The following NPC1 variants were observed in gnomAD, a reference collection of about 807,000 sequenced individuals.
NPC1 encodes the protein Niemann-Pick C1 protein.
A neutral mutation model predicts 140.4 loss-of-function variants in NPC1; 85 were observed. That is an observed-to-expected ratio of 0.61 (90% confidence interval 0.51 to 0.72). The LOEUF (loss-of-function observed/expected upper bound fraction) is 0.72. Among genes scored for constraint, NPC1 ranks in the 30% least tolerant of loss-of-function variants. The probability of loss-of-function intolerance (pLI) is 0.00; values close to 1 mark genes in which losing one functional copy is unlikely to be tolerated. For synonymous variants in NPC1, 656 were observed against 624.8 expected (o/e 1.05, Z -0.74); for missense variants, 1,504 against 1,623.8 (o/e 0.93, Z 1.27).
At chr18:23,523,055 T>C (rs762042388) in intron 1 of NPC1, 8 of 152,324 alleles carry the variant, frequency 5.3e-5, no homozygotes, top group South Asian at 2.1e-4. Flanking sequence ...CACCTGACAG[T>C]GTGTAGGTCA....
chr18:23,556,204 G>A (rs765463468), intron 8 of NPC1, 39 bp downstream of exon 8: 10 of 1,584,824 alleles, frequency 6.3e-6, no homozygotes, highest in African/African-American at 2.7e-5. Context: ...AAACCACAAG[G>A]TCATCTAGAG....
chr18:23,559,624 A>G (rs2145476565), intron 6 of NPC1, among the ~76,000 whole-genome samples: 1 of 148,346 alleles, frequency 6.7e-6, no homozygotes, highest in African/African-American at 2.5e-5. Flanking sequence ...GGTGTGAGCC[A>G]CTGAGCCTGG....
intron 2 of NPC1, among the ~76,000 whole-genome samples, chr18:23,572,693 G>T (rs1387774254): frequency 6.6e-6 from 1 of 151,998 alleles, no homozygotes; most frequent in Non-Finnish European, 1.5e-5. Flanking sequence ...AATTAGCCAG[G>T]GGTTGTGGCA....
At chr18:23,537,671 G>A (rs1316069037) in intron 20 of NPC1, among the ~76,000 whole-genome samples, 3 of 152,174 alleles carry the variant, frequency 2.0e-5, no homozygotes, top group Non-Finnish European at 4.4e-5. Flanking sequence ...CTGGCATGAC[G>A]CTGGCACCCT....
At chr18:23,507,144 CT>C in intron 3 of NPC1, 2 of 842,808 alleles carry the variant, frequency 2.4e-6, no homozygotes, top group South Asian at 3.3e-5. Flanking sequence ...TTAAAGGAAA[CT>C]TTTATTATCT....
At chr18:23,543,648 T>G (rs767732415) in intron 13 of NPC1, 79 bp from the exon 14 acceptor site, 66 of 831,088 alleles carry the variant, frequency 7.9e-5, no homozygotes, top group Non-Finnish European at 1.2e-4. Flanking sequence ...TTGTGTTAAC[T>G]CAAGGGTAAA....
intron 2 of NPC1, 31 bp from the exon 3 acceptor site, chr18:23,572,211 T>C: frequency 2.1e-6 from 3 of 1,462,898 alleles, no homozygotes; most frequent in Non-Finnish European, 1.9e-6. Flanking sequence ...GACACGGGAG[T>C]AGGCAACAGT....
intron 11 of NPC1, among the ~76,000 whole-genome samples, chr18:23,546,434 T>C (rs1221459178): frequency 6.6e-6 from 1 of 152,074 alleles, no homozygotes; most frequent in East Asian, 1.9e-4. Flanking sequence ...TAAAGCGCTA[T>C]AGCCACTTTG....
At chr18:23,508,187 G>A in intron 3 of NPC1, 1 of 664,016 alleles carries the variant, frequency 1.5e-6, no homozygotes, top group Non-Finnish European at 2.4e-6. Context: ...GAGTCAGGCG[G>A]GGTGTTTGCT....
downstream of NPC1, among the ~76,000 whole-genome samples, chr18:23,531,071 T>C (rs1296142623): frequency 1.3e-5 from 2 of 151,726 alleles, no homozygotes; most frequent in Admixed American, 1.3e-4. Context: ...CTCGGTTCAC[T>C]GCAACCTCCG....
At position 23,539,978 on chromosome 18, in the gene NPC1, G is replaced by A. The variant is rs2058689741; in HGVS notation, c.2628C>T (p.Phe876=). The change falls in exon 18 of 25, where the codon TTC becomes TTT. Residue 876 remains phenylalanine, a synonymous_variant. Transcript: ENST00000269228. The part of the protein sequence containing the change: ...MPDDSYMVDY[F]KSISQYLHAG... Reference sequence around the variant, plus strand: ...CATGCAGGTACTGACTGATGGATTTGAAATAATCCACCATGTAGGAGTCCT... The same window carrying A: ...CATGCAGGTACTGACTGATGGATTTAAAATAATCCACCATGTAGGAGTCCT... 6.2e-7 allele frequency: 1 copy of A among 1,613,816 alleles called. No homozygotes were observed. The highest frequency in any genetic ancestry group is 8.5e-7 in the Non-Finnish European group (1 of 1,179,708).
chr18:23,574,431 T>C (rs1299077638), intron 1 of NPC1, among the ~76,000 whole-genome samples: 3 of 151,558 alleles, frequency 2.0e-5, no homozygotes, highest in East Asian at 3.9e-4. Flanking sequence ...CCAAGAACCC[T>C]GATGGGAAAG....
downstream of NPC1, chr18:23,529,841 C>T (rs534172227): frequency 3.7e-6 from 4 of 1,080,524 alleles, no homozygotes; most frequent in Admixed American, 6.0e-5. Flanking sequence ...CTGAGTGACT[C>T]CTGACATTAT....
chr18:23,573,204 A>C (rs113372518), intron 2 of NPC1, among the ~76,000 whole-genome samples: 1 of 152,260 alleles, frequency 6.6e-6, no homozygotes, highest in African/African-American at 2.4e-5. Context: ...GTCAGTCTCT[A>C]AATAGCAACC....
downstream of NPC1, chr18:23,527,874 C>G: frequency 1.2e-6 from 2 of 1,613,944 alleles, no homozygotes; most frequent in Non-Finnish European, 1.7e-6. Context: ...ATAAAAAGTA[C>G]CTGGATGCCG....
In NPC1 at chr18:23,564,529, C is replaced by T. The variant is rs923878265; in HGVS notation, c.464-3002G>A. On this transcript the variant is annotated intron_variant, in intron 4 of 24. Coordinates refer to ENST00000269228, the MANE Select transcript of NPC1 (RefSeq NM_000271.5). ...GTAGACACAGGGTCTCACTTTGTCA[C>T]CCAGGCTGGTCTTGAACTCCCGGGC... Among the ~76,000 whole-genome samples the T allele has an allele frequency of 2.0e-5, 3 of 151,810 alleles. No homozygotes were observed. In the East Asian group the frequency reaches 5.8e-4, roughly 29 times the overall value.
At chr18:23,525,489 A>T (rs2058271531), downstream of NPC1, among the ~76,000 whole-genome samples, 1 of 151,870 alleles carries the variant, frequency 6.6e-6, no homozygotes, top group Non-Finnish European at 1.5e-5. Flanking sequence ...CAGTGGTGCC[A>T]TCTCGGCTCA....
intron 18 of NPC1, 30 bp from the exon 19 acceptor site, chr18:23,539,500 G>A: frequency 1.4e-6 from 2 of 1,438,924 alleles, no homozygotes; most frequent in African/African-American, 1.4e-5. Context: ...TTACTGACCT[G>A]CTCCACAGGG....
intron 3 of NPC1, chr18:23,516,181 G>T: frequency 7.7e-7 from 1 of 1,296,830 alleles, no homozygotes; most frequent in Non-Finnish European, 1.1e-6. Flanking sequence ...TGGGCAGACA[G>T]GCTGTGAGAG....
Sources: gnomAD v4.1 joint callset for allele counts (sites outside exome capture counted in the v4.1 genomes callset) on GRCh38, gnomAD v4.1.1 for gene constraint, MANE v1.5 for transcripts, NCBI Gene and HGNC (gene_info 2026-07-23, HGNC 2026-07-21) for gene names.